Variants in RP1 observed in about 807,000 individuals in gnomAD.
The protein encoded by RP1 is oxygen-regulated protein 1.
A neutral mutation model predicts 14.8 loss-of-function variants in RP1; 16 were observed. That is an observed-to-expected ratio of 1.08 (90% CI 0.73 to 1.65). RP1 has a LOEUF of 1.65. Among genes scored for constraint, RP1 ranks in the 40% most tolerant of loss-of-function variants. RP1 has a pLI of 0.00. For synonymous variants in RP1, 876 were observed against 883.6 expected (o/e 0.99, Z 0.15); for missense variants, 2,631 against 2,535.0 (o/e 1.04, Z -0.81).
At chr8:54,826,115 GTT>G (rs1387790037) in intron 24 of RP1, among the ~76,000 whole-genome samples, 2 of 152,144 alleles carry the variant, frequency 1.3e-5, no homozygotes, top group Admixed American at 6.5e-5. Flanking sequence ...ATAAGAGATG[GTT>G]GACTAGAGAA....
intron 19 of RP1, among the ~76,000 whole-genome samples, chr8:54,740,403 T>TA (rs34753388): frequency 0.011 from 874 of 80,222 alleles, 10 homozygotes; most frequent in East Asian, 0.034. Context: ...GCTTAAAAAG[T>TA]AAAAAAAAAA....
At chr8:54,701,202 A>G (rs539010962) in intron 13 of RP1, among the ~76,000 whole-genome samples, 6 of 152,336 alleles carry the variant, frequency 3.9e-5, no homozygotes, top group African/African-American at 1.2e-4. Flanking sequence ...AAAAAAAATG[A>G]TAAGATACAT....
chr8:54,602,609 T>C (rs981590769), intron 1 of RP1, among the ~76,000 whole-genome samples: 7 of 152,200 alleles, frequency 4.6e-5, no homozygotes, highest in African/African-American at 1.2e-4. Context: ...GAGGAATCAC[T>C]ACACTGACTT....
Position 54,625,901 on chromosome 8 carries a change from G to GA in RP1, c.2025dup (p.Ser676IlefsTer22), listed in dbSNP as rs1365669334. On this transcript the variant is annotated frameshift_variant, in exon 4 of 4. Coordinates refer to ENST00000220676, the MANE Select transcript of RP1 (RefSeq NM_006269.2). LOFTEE classifies it low-confidence loss of function (END_TRUNC). ...TGTCATCTGTTGCCAGCAAAAAGAA[G>GA]AAAAAATCTCGACAGCAAGCAATAA... The GA allele has an allele frequency of 1.5e-5, 24 of 1,613,556 alleles. No individual in the cohort carries two copies. Among genetic ancestry groups the GA allele is most frequent in the African/African-American group, 2.7e-5 (2 of 74,848 alleles).
chr8:54,644,707 G>T (rs535583137), intron 3 of RP1, among the ~76,000 whole-genome samples: 16 of 152,066 alleles, frequency 1.1e-4, no homozygotes, highest in African/African-American at 3.6e-4. Context: ...CAGTTTCCTG[G>T]GACTGCTATA....
chr8:54,776,654 G>A (rs1056285138), intron 23 of RP1, among the ~76,000 whole-genome samples: 1 of 152,178 alleles, frequency 6.6e-6, no homozygotes, highest in African/African-American at 2.4e-5. Context: ...AATAGGACGT[G>A]GAAGAGGTTT....
At chr8:54,692,949 A>C (rs1034350461) in intron 12 of RP1, among the ~76,000 whole-genome samples, 5 of 152,052 alleles carry the variant, frequency 3.3e-5, no homozygotes, top group African/African-American at 1.2e-4. Context: ...TTATGGTTTT[A>C]GGTCTAACAT....
intron 12 of RP1, chr8:54,696,800 G>A: frequency 1.4e-6 from 1 of 728,350 alleles, no homozygotes; most frequent in South Asian, 1.4e-5. Flanking sequence ...ACGTATAGTG[G>A]AACGTTATGT....
At chr8:54,711,575 G>T (rs1023258549) in intron 15 of RP1, among the ~76,000 whole-genome samples, 3 of 152,094 alleles carry the variant, frequency 2.0e-5, no homozygotes, top group African/African-American at 7.2e-5. Flanking sequence ...CTGAGCGAGC[G>T]CTCTTAGGTT....
intron 18 of RP1, among the ~76,000 whole-genome samples, chr8:54,737,773 G>T (rs971224750): frequency 6.6e-6 from 1 of 152,068 alleles, no homozygotes; most frequent in Non-Finnish European, 1.5e-5. Context: ...ATGGGAACTG[G>T]GTATGAAAAA....
intron 3 of RP1, among the ~76,000 whole-genome samples, chr8:54,648,813 A>G (rs968075067): frequency 6.6e-6 from 1 of 152,190 alleles, no homozygotes; most frequent in African/African-American, 2.4e-5. Flanking sequence ...TAGTAATTTT[A>G]TTGAGTATTT....
chr8:54,572,983 C>T (rs927030885), intron 1 of RP1, among the ~76,000 whole-genome samples: 8 of 149,304 alleles, frequency 5.4e-5, no homozygotes, highest in Admixed American at 2.7e-4. Flanking sequence ...TAGACACTCA[C>T]TTTTTACAAT....
intron 4 of RP1, among the ~76,000 whole-genome samples, chr8:54,650,946 C>A (rs947790046): frequency 6.6e-6 from 1 of 150,932 alleles, no homozygotes; most frequent in African/African-American, 2.4e-5. Flanking sequence ...TCAGGAAGTT[C>A]TTTTCAATTT....
At chr8:54,585,474 C>T (rs1804899317) in intron 1 of RP1, among the ~76,000 whole-genome samples, 2 of 152,116 alleles carry the variant, frequency 1.3e-5, no homozygotes, top group Non-Finnish European at 2.9e-5. Context: ...AATTATGTGT[C>T]TTGGAGTTGC....
chr8:54,748,149 G>C (rs773988655), intron 19 of RP1, among the ~76,000 whole-genome samples: 5 of 152,172 alleles, frequency 3.3e-5, no homozygotes, highest in Non-Finnish European at 5.9e-5. Flanking sequence ...CTTGAGATTA[G>C]CAAAATTAGG....
At chr8:54,608,345 A>G (rs1182292534) in intron 1 of RP1, among the ~76,000 whole-genome samples, 1 of 152,096 alleles carries the variant, frequency 6.6e-6, no homozygotes, top group East Asian at 1.9e-4. Flanking sequence ...TCATGTATCA[A>G]CAAAGCAGTT....
intron 15 of RP1, among the ~76,000 whole-genome samples, chr8:54,706,883 A>T (rs563575500): frequency 1.3e-3 from 198 of 152,252 alleles, no homozygotes; most frequent in African/African-American, 4.6e-3. Flanking sequence ...TGTACAAATC[A>T]CCTGGGAATT....
At chr8:54,581,402 T>C (rs1466854134) in intron 1 of RP1, among the ~76,000 whole-genome samples, 1 of 152,206 alleles carries the variant, frequency 6.6e-6, no homozygotes, top group Admixed American at 6.5e-5. Context: ...ATCCAGTCTA[T>C]CCTTGTTGGA....
At chr8:54,774,724 G>A (rs1563372515), downstream of RP1, among the ~76,000 whole-genome samples, 2 of 152,072 alleles carry the variant, frequency 1.3e-5, no homozygotes, top group South Asian at 4.2e-4. Context: ...ACTCAACATA[G>A]CAGTGGAACG....
Sources: gnomAD v4.1 joint callset for allele counts (sites outside exome capture counted in the v4.1 genomes callset) on GRCh38, gnomAD v4.1.1 for gene constraint, MANE v1.5 for transcripts, NCBI Gene and HGNC (gene_info 2026-07-23, HGNC 2026-07-21) for gene names.